The following VWF variants were observed in gnomAD, a reference collection of about 807,000 sequenced individuals.
VWF encodes von Willebrand factor.
Under a neutral mutation model 308.6 loss-of-function variants are expected in VWF, and 176 were observed. That is an observed-to-expected ratio of 0.57 (90% CI 0.50 to 0.65). The LOEUF (loss-of-function observed/expected upper bound fraction) is 0.65, where lower values mean the gene tolerates loss of function less well. Among genes scored for constraint, VWF ranks in the 30% least tolerant of loss-of-function variants. VWF has a pLI of 0.00. For synonymous variants in VWF, 1,385 were observed against 1,443.4 expected, an observed-to-expected ratio of 0.96 and a Z score of 0.92; for missense variants, 3,146 against 3,648.2, an observed-to-expected ratio of 0.86 and a Z score of 3.55.
chr12:6,100,613 A>G (rs539666584), intron 5 of VWF, among the ~76,000 whole-genome samples: 1 of 152,226 alleles, frequency 6.6e-6, no homozygotes, highest in Admixed American at 6.5e-5. Flanking sequence ...GAAATTGGAA[A>G]TCATCATTCT....
chr12:6,082,745 T>C (rs901094706), intron 6 of VWF, among the ~76,000 whole-genome samples: 1 of 152,268 alleles, frequency 6.6e-6, no homozygotes, highest in Admixed American at 6.5e-5. Context: ...AGAGTCTCTC[T>C]GAGCCTGTTC....
At chr12:6,115,725 C>T (rs184231188) in intron 3 of VWF, among the ~76,000 whole-genome samples, 84 of 152,280 alleles carry the variant, frequency 5.5e-4, no homozygotes, top group Middle Eastern at 3.4e-3. Context: ...TTGCATTCAG[C>T]GCCAGACACT....
At chr12:5,958,889 T>G (rs928107991) in intron 47 of VWF, among the ~76,000 whole-genome samples, 1 of 152,102 alleles carries the variant, frequency 6.6e-6, no homozygotes, top group Non-Finnish European at 1.5e-5. Flanking sequence ...TAGATAGGAC[T>G]AGAGACAGCC....
Position 5,996,113 on chromosome 12 carries a change from C to T in VWF, c.5952G>A (p.Leu1984=), listed in dbSNP as rs777436174. 6.2e-7 allele frequency: 1 copy of T among 1,614,094 alleles called. No homozygotes were observed. The part of the protein sequence containing the change: ...YVLFQNKEQD[L]EVILHNGACS... Reference sequence around the variant, plus strand: ...AGGCACCATTATGGAGAATCACCTCCAGGTCCTGCTCCTTGTTTTGAAATA... The same window carrying T: ...AGGCACCATTATGGAGAATCACCTCTAGGTCCTGCTCCTTGTTTTGAAATA... Residue 1984 remains leucine, a synonymous_variant, in exon 35 of 52, where the codon CTG becomes CTA. Coordinates refer to ENST00000261405, the MANE Select transcript of VWF (RefSeq NM_000552.5).
Position 5,964,693 on chromosome 12 carries a change from T to C in VWF, c.7887+2793A>G, listed in dbSNP as rs551204090. 2.6e-5 allele frequency among the ~76,000 whole-genome samples: 4 copies of C among 152,272 alleles called. No homozygotes were observed. In the East Asian group the frequency reaches 7.7e-4, roughly 29 times the overall value. ...CCATTTGCTCTCATAAATCAAGCCA[T>C]GAACTTGGCGTGTCTTCAGGAGCAG... On this transcript the variant is annotated intron_variant, in intron 47 of 51. Coordinates refer to ENST00000261405, the MANE Select transcript of VWF (RefSeq NM_000552.5).
At chr12:5,975,168 A>G (rs376876706) in intron 43 of VWF, among the ~76,000 whole-genome samples, 9 of 152,254 alleles carry the variant, frequency 5.9e-5, no homozygotes, top group Non-Finnish European at 1.2e-4. Context: ...GTAGAATAGC[A>G]GGTGAAGGGC....
Position 5,971,594 on chromosome 12 carries a change from C to T in VWF, c.7548+5G>A, listed in dbSNP as rs977640155. On this transcript the variant is annotated splice_donor_5th_base_variant and intron_variant, in intron 44 of 51. Coordinates refer to ENST00000261405, the MANE Select transcript of VWF (RefSeq NM_000552.5). ...CTCCTCCCCGTCCCGGGGGCCTGGA[C>T]CTACACTCTTCCAGGAAGACTGGGA... 6.2e-7 allele frequency: 1 copy of T among 1,613,148 alleles called. No homozygotes were observed.
At position 5,986,496 on chromosome 12, in the gene VWF, C is replaced by T. The variant is rs547074467; in HGVS notation, c.6799-831G>A. Among the ~76,000 whole-genome samples the T allele has an allele frequency of 2.0e-5, 3 of 152,298 alleles. No individual in the cohort carries two copies. In the South Asian group the frequency reaches 6.2e-4, roughly 32 times the overall value. On this transcript the variant is annotated intron_variant, in intron 38 of 51. Coordinates refer to ENST00000261405, the MANE Select transcript of VWF (RefSeq NM_000552.5). Reference sequence around the variant, plus strand: ...GAAGAAACACATTCTTATCCAGTAGCTCAAAGGCCTCTAAGAAGTTCCCAG... The same window carrying T: ...GAAGAAACACATTCTTATCCAGTAGTTCAAAGGCCTCTAAGAAGTTCCCAG...
chr12:6,065,158 G>A lies in VWF; in HGVS notation c.1272C>T (p.Ser424=), dbSNP rs1591895930. ...LARDCQDHSF[S]IVIETVQCAD... is the part of the protein sequence containing the mutation. ...TCACCTGGACAGTCTCAATGACAAT[G>A]GAGAAGGAGTGGTCCTGGCAATCCC... is the stretch of plus-strand genomic sequence containing the variant. Residue 424 remains serine, a synonymous_variant, in exon 11 of 52, where the codon TCC becomes TCT. Coordinates refer to ENST00000261405, the MANE Select transcript of VWF (RefSeq NM_000552.5). 1 of 1,614,222 alleles carries A rather than the reference G, an allele frequency of 6.2e-7. No homozygotes were observed. The highest frequency in any genetic ancestry group is 8.5e-7 in the Non-Finnish European group (1 of 1,180,050).
Position 6,022,045 on chromosome 12 carries a change from A to C in VWF, c.3539-10T>G. The C allele has an allele frequency of 6.2e-7, 1 of 1,614,128 alleles. No individual in the cohort carries two copies. The highest frequency in any genetic ancestry group is 8.5e-7 in the Non-Finnish European group (1 of 1,180,016). ...TCATCCAGGATTTTCCCTGCAAAAG[A>C]AAGCTCTCATTAGGAACCAAAACGC... On this transcript the variant is annotated splice_polypyrimidine_tract_variant and intron_variant, in intron 26 of 51. Transcript: ENST00000261405.
intron 18 of VWF, among the ~76,000 whole-genome samples, chr12:6,040,318 C>T (rs1384498683): frequency 6.6e-6 from 1 of 152,168 alleles, no homozygotes; most frequent in Admixed American, 6.5e-5. Flanking sequence ...GCACAACCCC[C>T]TCATTTTATC....
chr12:6,095,370 C>A (rs755846302), intron 6 of VWF, 90 bp downstream of exon 6: 9 of 1,596,374 alleles, frequency 5.6e-6, no homozygotes, highest in Non-Finnish European at 6.9e-6. Context: ...ATTCCTCCCC[C>A]AGATGGAAGG....
chr12:6,002,591 T>C (rs1943882342), intron 34 of VWF, among the ~76,000 whole-genome samples: 1 of 152,036 alleles, frequency 6.6e-6, no homozygotes, highest in Non-Finnish European at 1.5e-5. Flanking sequence ...AATTAACTCC[T>C]GTAGATAAAA....
At chr12:6,030,781 A>G (rs1472219281) in intron 21 of VWF, among the ~76,000 whole-genome samples, 1 of 152,184 alleles carries the variant, frequency 6.6e-6, no homozygotes, top group East Asian at 1.9e-4. Flanking sequence ...TAATCTCAGC[A>G]CTTTGGGAGG....
Position 6,009,596 on chromosome 12 carries a change from G to A in VWF, c.5842+2021C>T, listed in dbSNP as rs547742919. On this transcript the variant is annotated intron_variant, in intron 34 of 51. Transcript: ENST00000261405. Reference sequence around the variant, plus strand: ...CCTCAAAAAATTAAAACTAGTATTAGCATATGACCCAGTAATCCCACTTCT... The same window carrying A: ...CCTCAAAAAATTAAAACTAGTATTAACATATGACCCAGTAATCCCACTTCT... Among the ~76,000 whole-genome samples, 199 of 152,232 alleles carry A rather than the reference G, an allele frequency of 1.3e-3. 3 individuals are homozygous for A. The highest frequency in any genetic ancestry group is 4.4e-3 in the African/African-American group (183 of 41,536).
chr12:6,098,671 C>G (rs986589537), intron 5 of VWF, among the ~76,000 whole-genome samples: 1 of 151,686 alleles, frequency 6.6e-6, no homozygotes, highest in Non-Finnish European at 1.5e-5. Flanking sequence ...CCCAGCTACT[C>G]GGGAGGCTGA....
intron 43 of VWF, 79 bp from the exon 44 acceptor site, chr12:5,971,788 T>C (rs991579483): frequency 6.3e-6 from 8 of 1,265,592 alleles, no homozygotes; most frequent in Non-Finnish European, 9.2e-6. Context: ...TCCTGCGTAC[T>C]GAGCCCTGGG....
At position 6,117,383 on chromosome 12, in the gene VWF, G is replaced by A. The variant is rs116984252; in HGVS notation, c.220+3791C>T. ...CCTGTGTGGATTATGAGGGGGAGTT[G>A]AAACTCAAGTGACCCTGACCTCGTG... On this transcript the variant is annotated intron_variant, in intron 3 of 51. Coordinates refer to ENST00000261405, the MANE Select transcript of VWF (RefSeq NM_000552.5). Among the ~76,000 whole-genome samples the A allele has an allele frequency of 1.8e-4, 28 of 152,278 alleles. No individual in the cohort carries two copies. In the East Asian group the frequency reaches 5.2e-3, roughly 28 times the overall value.
rs61749380 is a variant in VWF at position 6,019,564 on chromosome 12, G to C, written c.3854C>G (p.Ser1285Cys). ...AAACTCAGCCTCGGACAGCCTGGAGGAGCCATCCAGCAGGAAGACCAGGTC... is the reference window on the plus strand; with the variant it reads ...AAACTCAGCCTCGGACAGCCTGGAGCAGCCATCCAGCAGGAAGACCAGGTC... Reference protein sequence around the residue: ...LLDLVFLLDGSSRLSEAEFEV... With the variant: ...LLDLVFLLDGCSRLSEAEFEV... Residue 1285 changes from serine to cysteine, a missense_variant, in exon 28 of 52, where the codon TCC becomes TGC. Transcript: ENST00000261405. The surrounding 1 kb of genome is among the most constrained non-coding windows in gnomAD (Gnocchi z 5.8). 5.6e-6 allele frequency: 9 copies of C among 1,613,968 alleles called. No homozygotes were observed. The highest frequency in any genetic ancestry group is 7.6e-6 in the Non-Finnish European group (9 of 1,179,868).
Sources: allele counts gnomAD v4.1 joint callset (sites outside exome capture counted in the v4.1 genomes callset), GRCh38; gene constraint gnomAD v4.1.1; non-coding constraint Gnocchi (gnomAD v3.1); transcripts MANE v1.5; gene names NCBI Gene and HGNC (gene_info 2026-07-23, HGNC 2026-07-21).